The following TRMT11 variants were observed in gnomAD, a reference collection of about 807,000 sequenced individuals.
The protein encoded by TRMT11 is tRNA (guanine(10)-N(2))-methyltransferase TRMT11.
TRMT11 carries 53 observed loss-of-function variants against 62.8 expected under a neutral mutation model. The observed-to-expected ratio is 0.84, with a 90% CI of 0.68 to 1.06. The LOEUF (loss-of-function observed/expected upper bound fraction) is 1.06. TRMT11 is among the 50% of genes least tolerant of loss of function. The pLI, the probability that TRMT11 is intolerant of heterozygous loss-of-function variation, is 0.00. For missense variants in TRMT11, 556 were observed against 553.4 expected (o/e 1.00, Z -0.05); for synonymous variants, 188 against 190.3 (o/e 0.99, Z 0.10).
chr6:126,038,482 A>G (rs1411391303), intron 12 of TRMT11, among the ~76,000 whole-genome samples: 13 of 151,276 alleles, frequency 8.6e-5, no homozygotes, highest in Non-Finnish European at 1.5e-5. Flanking sequence ...CTCTGTACAG[A>G]GGTCTTTTGT....
the TRMT11 span, among the ~76,000 whole-genome samples, chr6:126,222,244 G>A: frequency 6.6e-6 from 1 of 152,156 alleles, no homozygotes; most frequent in Non-Finnish European, 1.5e-5. Context: ...TAGGTAACGT[G>A]ATGCCTCCTG....
chr6:126,208,828 C>T, the TRMT11 span, among the ~76,000 whole-genome samples: 1 of 152,202 alleles, frequency 6.6e-6, no homozygotes, highest in African/African-American at 2.4e-5. Context: ...ACATTCCAGT[C>T]CTCCGTGGAT....
intron 21 of TRMT11, among the ~76,000 whole-genome samples, chr6:126,145,456 G>A (rs1777963191): frequency 6.6e-6 from 1 of 152,140 alleles, no homozygotes; most frequent in Admixed American, 6.6e-5. Context: ...AGGAGAGGGG[G>A]CTATGGGATA....
intron 17 of TRMT11, among the ~76,000 whole-genome samples, chr6:126,079,671 A>G (rs551564472): frequency 1.3e-5 from 2 of 152,120 alleles, no homozygotes; most frequent in African/African-American, 2.4e-5. Context: ...ATGACATGCA[A>G]TCTACCCAAG....
At chr6:126,202,737 T>C (rs1778749116), downstream of TRMT11, among the ~76,000 whole-genome samples, 1 of 152,154 alleles carries the variant, frequency 6.6e-6, no homozygotes, top group Admixed American at 6.5e-5. Flanking sequence ...GTTATAAACA[T>C]GCACAAACTT....
At chr6:126,198,391 TTTTAA>T (rs1187874060) in intron 1 of TRMT11, among the ~76,000 whole-genome samples, 1 of 152,196 alleles carries the variant, frequency 6.6e-6, no homozygotes, top group Non-Finnish European at 1.5e-5. Context: ...TTAAAGGTAA[TTTTAA>T]ATGGGTCTTC....
the TRMT11 span, among the ~76,000 whole-genome samples, chr6:126,247,599 G>A: frequency 6.8e-6 from 1 of 146,694 alleles, no homozygotes; most frequent in East Asian, 2.0e-4. Context: ...TAAAAAAGAA[G>A]CAACCATAGA....
intron 17 of TRMT11, among the ~76,000 whole-genome samples, chr6:126,084,326 A>G (rs1777190101): frequency 2.0e-5 from 3 of 152,106 alleles, no homozygotes; most frequent in African/African-American, 4.8e-5. Context: ...TTTGATTTGC[A>G]TATCCTTGGT....
chr6:126,267,402 A>C, the TRMT11 span, among the ~76,000 whole-genome samples: 1 of 152,178 alleles, frequency 6.6e-6, no homozygotes, highest in Non-Finnish European at 1.5e-5. Context: ...ACTCTGGTCC[A>C]ATATGGGCCA....
the TRMT11 span, among the ~76,000 whole-genome samples, chr6:126,266,425 C>G: frequency 1.3e-5 from 2 of 152,108 alleles, no homozygotes; most frequent in East Asian, 3.8e-4. Context: ...CTAAATGAAG[C>G]TACTGGCAGC....
At chr6:125,999,312 A>G (rs1792098102) in intron 6 of TRMT11, 145 bp from the exon 7 acceptor site, 3 of 521,560 alleles carry the variant, frequency 5.8e-6, no homozygotes, top group Admixed American at 3.8e-5. Flanking sequence ...AACTACCTCA[A>G]TTACATTATT....
chr6:126,224,317 C>A, the TRMT11 span, among the ~76,000 whole-genome samples: 1 of 152,160 alleles, frequency 6.6e-6, no homozygotes, highest in Non-Finnish European at 1.5e-5. Flanking sequence ...TTGAATGAGG[C>A]TTTTTGCCTT....
In TRMT11 at chr6:125,999,481, A is replaced by G. The variant is rs866447535; in HGVS notation, c.547A>G (p.Ile183Val). 6.2e-7 allele frequency: 1 copy of G among 1,606,472 alleles called. No homozygotes were observed. Among genetic ancestry groups the G allele is most frequent in the South Asian group, 1.1e-5 (1 of 89,704 alleles). Residue 183 changes from isoleucine (I) to valine (V), a missense_variant, in exon 7 of 13, where the codon ATT (isoleucine) becomes GTT (valine). Ile to Val is a conservative substitution (Grantham distance 29). Coordinates refer to ENST00000334379, the MANE Select transcript of TRMT11 (RefSeq NM_001031712.3). ...RWIADGQRELIESYSVKKRHF... is the reference protein window; with the variant it reads ...RWIADGQRELVESYSVKKRHF... The stretch of plus-strand genomic sequence containing the variant: ...GATTGCAGATGGACAGAGAGAGCTT[A>G]TTGAGTCATACAGTGTCAAAAAGAG...
the TRMT11 span, among the ~76,000 whole-genome samples, chr6:126,240,193 CCTT>C: frequency 1.3e-5 from 2 of 152,174 alleles, no homozygotes; most frequent in Admixed American, 6.5e-5. Context: ...TCGTTTGAAG[CCTT>C]CTTCTCTCAA....
intron 17 of TRMT11, among the ~76,000 whole-genome samples, chr6:126,095,371 T>G (rs1263533773): frequency 6.6e-6 from 1 of 152,204 alleles, no homozygotes; most frequent in Admixed American, 6.5e-5. Context: ...GGGTTTTAAA[T>G]GTAGTCTAAG....
chr6:126,151,943 C>CTTTCTTTCT (rs1554242330), intron 21 of TRMT11, among the ~76,000 whole-genome samples: 3,708 of 33,752 alleles, frequency 0.11, 333 homozygotes, highest in African/African-American at 0.13. Context: ...TTCTTTCTTT[C>CTTTCTTTCT]TTTTCTTTCT....
At chr6:126,040,392 T>A (rs1484022362), downstream of TRMT11, among the ~76,000 whole-genome samples, 1 of 152,148 alleles carries the variant, frequency 6.6e-6, no homozygotes, top group Non-Finnish European at 1.5e-5. Context: ...GAAATGTCAC[T>A]AGGCTCAGAG....
At chr6:126,063,248 G>A (rs981433874) in intron 17 of TRMT11, among the ~76,000 whole-genome samples, 1 of 152,054 alleles carries the variant, frequency 6.6e-6, no homozygotes, top group Non-Finnish European at 1.5e-5. Context: ...AAAGGAAAAG[G>A]CTATTTTTGG....
intron 17 of TRMT11, among the ~76,000 whole-genome samples, chr6:126,107,488 GT>G (rs1777477399): frequency 6.6e-6 from 1 of 152,136 alleles, no homozygotes; most frequent in Non-Finnish European, 1.5e-5. Flanking sequence ...GGAGTTTGGG[GT>G]GACAGAGGAT....
Sources: allele counts gnomAD v4.1 joint callset (sites outside exome capture counted in the v4.1 genomes callset), GRCh38; gene constraint gnomAD v4.1.1; transcripts MANE v1.5; gene names NCBI Gene and HGNC (gene_info 2026-07-23, HGNC 2026-07-21).